VPS53: variants seen among roughly 807,000 people sequenced by gnomAD.
VPS53 encodes vacuolar protein sorting-associated protein 53 homolog.
In VPS53, 70 loss-of-function variants were observed where a neutral mutation model predicts 107.0. The ratio of observed to expected loss-of-function variants is 0.65; its 90% CI spans 0.54 to 0.80. VPS53 has a LOEUF of 0.80. Ranked by LOEUF, VPS53 falls within the 30% of genes least tolerant of loss-of-function variation. The pLI is 0.00. For missense variants in VPS53, 917 were observed against 1,049.4 expected (o/e 0.87, Z 1.74); for synonymous variants, 409 against 393.3 (o/e 1.04, Z -0.47).
At chr17:707,776 C>T (rs1229087796) in intron 2 of VPS53, among the ~76,000 whole-genome samples, 1 of 147,832 alleles carries the variant, frequency 6.8e-6, no homozygotes, top group African/African-American at 2.5e-5. Flanking sequence ...CGCTAGAGTT[C>T]GGGAGTTCAC....
chr17:678,083 T>C (rs969950166), intron 4 of VPS53, among the ~76,000 whole-genome samples: 1 of 151,940 alleles, frequency 6.6e-6, no homozygotes, highest in African/African-American at 2.4e-5. Context: ...ATTTTATCAC[T>C]GCACTGAAGC....
intron 19 of VPS53, among the ~76,000 whole-genome samples, chr17:531,651 G>GT (rs1007578857): frequency 6.6e-6 from 1 of 151,582 alleles, no homozygotes. Context: ...GGTGTGGACC[G>GT]TTTTTTAGCT....
chr17:659,271 C>CTTTA (rs144543318), intron 5 of VPS53, among the ~76,000 whole-genome samples: 1 of 151,774 alleles, frequency 6.6e-6, no homozygotes, highest in African/African-American at 2.4e-5. Flanking sequence ...CATAGGGAGT[C>CTTTA]TTTATTTATT....
intron 11 of VPS53, among the ~76,000 whole-genome samples, chr17:608,256 A>G (rs574005779): frequency 5.3e-5 from 8 of 152,094 alleles, no homozygotes; most frequent in Non-Finnish European, 1.2e-4. Flanking sequence ...TCTTTCTCCT[A>G]CTAGACCCTA....
At chr17:622,563 C>G (rs991250586) in intron 11 of VPS53, among the ~76,000 whole-genome samples, 3 of 152,128 alleles carry the variant, frequency 2.0e-5, no homozygotes, top group African/African-American at 7.2e-5. Flanking sequence ...TTCCTGTATT[C>G]AAGGAGCTCA....
At chr17:556,473 T>C (rs141357924) in intron 15 of VPS53, among the ~76,000 whole-genome samples, 8 of 152,238 alleles carry the variant, frequency 5.3e-5, no homozygotes, top group Non-Finnish European at 1.0e-4. Flanking sequence ...AAAGTATCCT[T>C]AAAAGTGTAG....
chr17:678,196 G>A (rs912521461), intron 4 of VPS53, among the ~76,000 whole-genome samples: 8 of 152,112 alleles, frequency 5.3e-5, no homozygotes, highest in African/African-American at 1.9e-4. Flanking sequence ...GAGGCAGGCG[G>A]ACTGCCTGAG....
At chr17:564,416 C>T (rs1025469040) in intron 13 of VPS53, among the ~76,000 whole-genome samples, 5 of 152,004 alleles carry the variant, frequency 3.3e-5, no homozygotes, top group South Asian at 4.2e-4. Flanking sequence ...GGCGGGTGCC[C>T]GTAGTCCCAG....
intron 12 of VPS53, among the ~76,000 whole-genome samples, chr17:588,003 G>A (rs1394801734): frequency 6.6e-6 from 1 of 152,182 alleles, no homozygotes; most frequent in East Asian, 1.9e-4. Flanking sequence ...CACCCCTGTT[G>A]TTACGATTAT....
At chr17:562,976 T>C (rs1913164956) in intron 13 of VPS53, among the ~76,000 whole-genome samples, 1 of 152,114 alleles carries the variant, frequency 6.6e-6, no homozygotes, top group Non-Finnish European at 1.5e-5. Flanking sequence ...TCGATTGACA[T>C]TTGTGCTTTA....
chr17:709,022 A>C (rs539282632), intron 2 of VPS53, among the ~76,000 whole-genome samples: 1 of 152,208 alleles, frequency 6.6e-6, no homozygotes, highest in South Asian at 2.1e-4. Flanking sequence ...GGCTCTGTCT[A>C]GAATACTGTT....
At chr17:656,959 A>C (rs992833992) in intron 5 of VPS53, 1 of 1,017,342 alleles carries the variant, frequency 9.8e-7, no homozygotes, top group Non-Finnish European at 1.6e-6. Flanking sequence ...TGTCTTTCAC[A>C]TGAACCACGT....
chr17:622,037 C>A (rs1969487285), intron 11 of VPS53, among the ~76,000 whole-genome samples: 1 of 151,978 alleles, frequency 6.6e-6, no homozygotes, highest in Non-Finnish European at 1.5e-5. Context: ...CATGGTGAAA[C>A]CCCGTCTCTA....
chr17:536,821 G>A (rs1040860088), intron 18 of VPS53: 3 of 578,452 alleles, frequency 5.2e-6, no homozygotes, highest in Admixed American at 3.3e-5. Flanking sequence ...ATGACGTGTT[G>A]ATGCAGGTTC....
At chr17:592,320 C>A (rs1373730770) in intron 12 of VPS53, among the ~76,000 whole-genome samples, 1 of 152,182 alleles carries the variant, frequency 6.6e-6, no homozygotes, top group Non-Finnish European at 1.5e-5. Context: ...ATACAGCACA[C>A]TGATGGGTCT....
intron 17 of VPS53, among the ~76,000 whole-genome samples, chr17:543,173 C>CA (rs1910838156): frequency 6.6e-6 from 1 of 152,010 alleles, no homozygotes; most frequent in African/African-American, 2.4e-5. Context: ...AAAATGAGAA[C>CA]AGACTTGTCT....
intron 7 of VPS53, among the ~76,000 whole-genome samples, chr17:648,679 A>T (rs960941579): frequency 5.9e-5 from 9 of 152,014 alleles, no homozygotes; most frequent in Admixed American, 5.9e-4. Flanking sequence ...AGAGGAATGG[A>T]ACAGGCACTG....
In VPS53 at chr17:517,414, T is replaced by C. The variant is rs1159000239; in HGVS notation, c.*1714A>G. 4 of 399,520 alleles carry C rather than the reference T, an allele frequency of 1.0e-5. No homozygotes were observed. Among genetic ancestry groups the C allele is most frequent in the East Asian group, 3.5e-5 (1 of 28,206 alleles). 24.7% of individuals were successfully genotyped at this position (399,520 alleles called of 1,614,324 possible). ...CAGGGGCACAGAGCAGTGGTTATGT[T>C]GGGAAACAAGGTGGGGATGAGGAAA... On this transcript the variant is annotated 3_prime_UTR_variant, in exon 22 of 22. Coordinates refer to ENST00000437048, the MANE Select transcript of VPS53 (RefSeq NM_001128159.3).
chr17:676,503 AGTG>A (rs1972165355), intron 4 of VPS53: 1 of 152,218 alleles, frequency 6.6e-6, no homozygotes, highest in Non-Finnish European at 1.5e-5. Context: ...GAGCAGTTAC[AGTG>A]GTGATGAATG....
Sources: allele counts gnomAD v4.1 joint callset (sites outside exome capture counted in the v4.1 genomes callset), GRCh38; gene constraint gnomAD v4.1.1; transcripts MANE v1.5; gene names NCBI Gene and HGNC (gene_info 2026-07-23, HGNC 2026-07-21).